The following SGCZ variants were observed in gnomAD, a reference collection of about 807,000 sequenced individuals.
The protein encoded by SGCZ is zeta-sarcoglycan.
SGCZ carries 40 observed loss-of-function variants against 41.3 expected under a neutral mutation model. That is an observed-to-expected ratio of 0.97 (90% CI 0.75 to 1.26). The LOEUF (loss-of-function observed/expected upper bound fraction) is 1.26, where lower values mean the gene tolerates loss of function less well. Among genes scored for constraint, SGCZ ranks in the 50% most tolerant of loss-of-function variants. SGCZ has a pLI of 0.00. For synonymous variants in SGCZ, 206 were observed against 137.5 expected (o/e 1.50, Z -3.49); for missense variants, 552 against 369.8 (o/e 1.49, Z -4.04).
intron 2 of SGCZ, among the ~76,000 whole-genome samples, chr8:14,326,247 A>C (rs1403972972): frequency 1.3e-5 from 2 of 152,010 alleles, no homozygotes; most frequent in African/African-American, 2.4e-5. Flanking sequence ...GGTTGGGAAA[A>C]TATCTTTTAT....
intron 1 of SGCZ, among the ~76,000 whole-genome samples, chr8:14,903,885 G>C (rs1428054284): frequency 6.6e-6 from 1 of 151,944 alleles, no homozygotes; most frequent in Non-Finnish European, 1.5e-5. Flanking sequence ...CAGAAATCTA[G>C]GGAAGATTAA....
At chr8:14,459,220 G>C (rs1215478780) in intron 2 of SGCZ, among the ~76,000 whole-genome samples, 1 of 151,896 alleles carries the variant, frequency 6.6e-6, no homozygotes, top group African/African-American at 2.4e-5. Flanking sequence ...TGAACAATGA[G>C]AACACTTGGA....
intron 3 of SGCZ, among the ~76,000 whole-genome samples, chr8:14,292,586 T>A (rs1338987785): frequency 6.6e-6 from 1 of 152,054 alleles, no homozygotes; most frequent in South Asian, 2.1e-4. Flanking sequence ...TCCTAAAATA[T>A]TCCATGTTTA....
intron 1 of SGCZ, among the ~76,000 whole-genome samples, chr8:14,670,463 T>C (rs949418497): frequency 6.6e-6 from 1 of 152,200 alleles, no homozygotes; most frequent in East Asian, 1.9e-4. Context: ...TAATTGTGTT[T>C]GCAAGAACAA....
intron 1 of SGCZ, among the ~76,000 whole-genome samples, chr8:15,018,749 G>A (rs1009938982): frequency 4.6e-5 from 7 of 152,178 alleles, no homozygotes; most frequent in Admixed American, 6.5e-5. Context: ...GTAGTAGTCC[G>A]TTCTCACACT....
intron 1 of SGCZ, among the ~76,000 whole-genome samples, chr8:15,083,965 T>A (rs1805857969): frequency 6.7e-6 from 1 of 150,292 alleles, no homozygotes; most frequent in Admixed American, 6.6e-5. Context: ...GTTCTAGTCC[T>A]TTACATTCAG....
At chr8:14,549,157 G>A (rs150104085) in intron 2 of SGCZ, among the ~76,000 whole-genome samples, 1 of 151,926 alleles carries the variant, frequency 6.6e-6, no homozygotes, top group Non-Finnish European at 1.5e-5. Flanking sequence ...AAGTTTGTGT[G>A]TGTGTGTGTG....
chr8:14,275,847 C>A (rs555180032), intron 3 of SGCZ, among the ~76,000 whole-genome samples: 1 of 152,268 alleles, frequency 6.6e-6, no homozygotes, highest in East Asian at 1.9e-4. Context: ...GTTACTTTAC[C>A]CCTAATGGCA....
At chr8:14,528,989 C>T (rs1216147857) in intron 2 of SGCZ, among the ~76,000 whole-genome samples, 1 of 151,974 alleles carries the variant, frequency 6.6e-6, no homozygotes, top group Non-Finnish European at 1.5e-5. Context: ...TGACAACCAA[C>T]TAAACCAAAA....
intron 2 of SGCZ, among the ~76,000 whole-genome samples, chr8:14,374,524 G>T (rs760768389): frequency 8.5e-5 from 13 of 152,108 alleles, no homozygotes; most frequent in Admixed American, 2.6e-4. Flanking sequence ...GAGACTAAAA[G>T]AAGATGTTAG....
At chr8:14,581,574 G>A (rs1452209865) in intron 1 of SGCZ, among the ~76,000 whole-genome samples, 1 of 152,028 alleles carries the variant, frequency 6.6e-6, no homozygotes, top group Non-Finnish European at 1.5e-5. Context: ...ATGGCATAGA[G>A]TGAACCACCT....
chr8:15,206,905 G>A (rs1801086796), intron 1 of SGCZ, among the ~76,000 whole-genome samples: 1 of 152,106 alleles, frequency 6.6e-6, no homozygotes, highest in Non-Finnish European at 1.5e-5. Flanking sequence ...AAGGTAGGAT[G>A]GAGGATATGA....
chr8:15,188,853 G>C (rs931549616), intron 1 of SGCZ, among the ~76,000 whole-genome samples: 1 of 152,064 alleles, frequency 6.6e-6, no homozygotes, highest in African/African-American at 2.4e-5. Context: ...AGGAAAGGCA[G>C]AGAGGAAGGG....
chr8:14,868,430 C>A (rs568292226), intron 1 of SGCZ, among the ~76,000 whole-genome samples: 10 of 152,092 alleles, frequency 6.6e-5, no homozygotes, highest in Non-Finnish European at 1.3e-4. Context: ...AATTATATAC[C>A]TACCCAATTC....
chr8:15,119,776 T>G (rs1001701491), intron 1 of SGCZ, among the ~76,000 whole-genome samples: 9 of 152,120 alleles, frequency 5.9e-5, no homozygotes, highest in Non-Finnish European at 2.9e-5. Flanking sequence ...GCTCTTATAT[T>G]CTCTCCATCT....
chr8:14,359,085 T>C (rs1374373875), intron 2 of SGCZ, among the ~76,000 whole-genome samples: 1 of 152,120 alleles, frequency 6.6e-6, no homozygotes, highest in African/African-American at 2.4e-5. Context: ...TATTGATATC[T>C]ATTGGTAATT....
Position 14,285,261 on chromosome 8 carries a change from T to G in SGCZ, c.336+38842A>C, listed in dbSNP as rs553580903. On this transcript the variant is annotated intron_variant, in intron 3 of 7. Transcript: ENST00000382080. ...TGGAGGCTTCAGAGCTTAGTCTTAG[T>G]CTTGTAACCTCCAAAATTAAAAACA... Among the ~76,000 whole-genome samples the G allele has an allele frequency of 1.4e-3, 206 of 152,272 alleles. 1 individual carries two copies. The highest frequency in any genetic ancestry group is 4.8e-3 in the African/African-American group (199 of 41,572).
chr8:14,190,010 C>CTTTTTTTTTTTTTTTTTTTTT (rs1397799185), intron 4 of SGCZ, among the ~76,000 whole-genome samples: 1 of 68,500 alleles, frequency 1.5e-5, no homozygotes, highest in Non-Finnish European at 2.6e-5. Flanking sequence ...TTCTTTCTTT[C>CTTTTTTTTTTTTTTTTTTTTT]TTTCTTTTTT....
At chr8:14,989,852 T>C (rs1293440190) in intron 1 of SGCZ, among the ~76,000 whole-genome samples, 1 of 152,192 alleles carries the variant, frequency 6.6e-6, no homozygotes, top group Non-Finnish European at 1.5e-5. Flanking sequence ...GAACCTGGAA[T>C]TCTGGATGAA....
Sources: allele counts gnomAD v4.1 joint callset (sites outside exome capture counted in the v4.1 genomes callset), GRCh38; gene constraint gnomAD v4.1.1; transcripts MANE v1.5; gene names NCBI Gene and HGNC (gene_info 2026-07-23, HGNC 2026-07-21).